The following FAAH2 variants were observed in gnomAD, a reference collection of about 807,000 sequenced individuals.
FAAH2 encodes fatty-acid amide hydrolase 2.
FAAH2 carries 60 observed loss-of-function variants against 36.9 expected under a neutral mutation model. That is an observed-to-expected ratio of 1.63 (90% CI 1.32 to 2.02). The LOEUF (loss-of-function observed/expected upper bound fraction) is 2.02. Among genes scored for constraint, FAAH2 ranks in the 30% most tolerant of loss-of-function variants. The probability of loss-of-function intolerance (pLI) is 0.00; values close to 1 mark genes in which losing one functional copy is unlikely to be tolerated. For missense variants in FAAH2, 689 were observed against 397.5 expected, an observed-to-expected ratio of 1.73 and a Z score of -6.23; for synonymous variants, 214 against 143.8, an observed-to-expected ratio of 1.49 and a Z score of -3.49.
chrX:57,284,464 T>A (rs2051782920), upstream of FAAH2, among the ~76,000 whole-genome samples: 1 of 111,664 alleles, frequency 9.0e-6, no homozygotes, highest in Admixed American at 9.5e-5. Flanking sequence ...AGCAGGAAAT[T>A]TAACATTTAT....
At chrX:57,467,758 C>G (rs990961947) in intron 10 of FAAH2, among the ~76,000 whole-genome samples, 2 of 111,664 alleles carry the variant, frequency 1.8e-5, no homozygotes, top group African/African-American at 6.5e-5. Context: ...AGTAGTGGTT[C>G]TCCCAGCACA....
At chrX:57,194,627 T>A in the FAAH2 span, among the ~76,000 whole-genome samples, 1 of 110,959 alleles carries the variant, frequency 9.0e-6, no homozygotes, top group East Asian at 2.8e-4. Context: ...GAGCAGGTGA[T>A]GTTTGATTAC....
intron 7 of FAAH2, among the ~76,000 whole-genome samples, chrX:57,398,193 A>G (rs759051156): frequency 3.2e-4 from 36 of 112,363 alleles, no homozygotes; most frequent in Non-Finnish European, 6.2e-4. Flanking sequence ...ATAAAGACAC[A>G]TGCACACGTA....
chrX:57,143,061 C>A, the FAAH2 span, among the ~76,000 whole-genome samples: 1 of 111,289 alleles, frequency 9.0e-6, no homozygotes, highest in Non-Finnish European at 1.9e-5. Context: ...TTGATTCATT[C>A]AGCCACTCTA....
the FAAH2 span, among the ~76,000 whole-genome samples, chrX:57,226,694 G>A: frequency 8.9e-6 from 1 of 111,943 alleles, no homozygotes; most frequent in East Asian, 2.8e-4. Context: ...GCATGTCTAG[G>A]TCTCTAGCAA....
chrX:57,338,909 C>A (rs1249357664), intron 4 of FAAH2, among the ~76,000 whole-genome samples: 6 of 110,952 alleles, frequency 5.4e-5, no homozygotes, highest in Admixed American at 9.6e-5. Context: ...GAAAAAAAAA[C>A]CTATTTTAAA....
Position 57,292,557 on chromosome X carries a change from G to A in FAAH2, c.252G>A (p.Met84Ile). Residue 84 changes from methionine (M) to isoleucine (I), a missense_variant, in exon 2 of 11, where the codon ATG becomes ATA. Transcript: ENST00000374900. ...ACAGAATCAAGGACGTGAACCCAAT[G>A]ATCAATGGAATTGTCAAGTACAGGT... ...YINRIKDVNP[M>I]INGIVKYRFE... The A allele has an allele frequency of 1.7e-6, 2 of 1,209,379 alleles. No homozygotes were observed. Among genetic ancestry groups the A allele is most frequent in the Non-Finnish European group, 2.2e-6 (2 of 894,080 alleles).
At chrX:57,211,883 A>G in the FAAH2 span, among the ~76,000 whole-genome samples, 1 of 111,996 alleles carries the variant, frequency 8.9e-6, no homozygotes, top group Non-Finnish European at 1.9e-5. Flanking sequence ...GACCCTATTC[A>G]ACATTAATTA....
At position 57,322,390 on chromosome X, in the gene FAAH2, T is replaced by A. The variant is rs928426693; in HGVS notation, c.413-9208T>A. Among the ~76,000 whole-genome samples the A allele has an allele frequency of 2.7e-5, 3 of 111,967 alleles. No individual in the cohort carries two copies. The Admixed American group carries it at 2.9e-4, about 11-fold the overall frequency. ...TCTCTTGTTAGTTTGCTGGACTTCC[T>A]TTTATAAGTGACCTACCCTTTCTCT... On this transcript the variant is annotated intron_variant, in intron 3 of 10. Coordinates refer to ENST00000374900, the MANE Select transcript of FAAH2 (RefSeq NM_174912.4).
chrX:57,162,956 G>C, the FAAH2 span, among the ~76,000 whole-genome samples: 13 of 112,387 alleles, frequency 1.2e-4, no homozygotes, highest in East Asian at 3.7e-3. Flanking sequence ...AGAGTTTCCA[G>C]TTTTTCTGTT....
intron 4 of FAAH2, among the ~76,000 whole-genome samples, chrX:57,334,126 C>T (rs1322288821): frequency 3.5e-4 from 39 of 109,986 alleles, no homozygotes; most frequent in Non-Finnish European, 1.9e-5. Context: ...AAAAATTAGC[C>T]AGGCCTGGCA....
At chrX:57,413,353 T>C (rs1160920379) in intron 7 of FAAH2, among the ~76,000 whole-genome samples, 3 of 112,487 alleles carry the variant, frequency 2.7e-5, no homozygotes, top group African/African-American at 9.7e-5. Context: ...TTTATGGTTT[T>C]AGGTCTTACA....
intron 5 of FAAH2, among the ~76,000 whole-genome samples, chrX:57,355,685 C>T (rs1056021982): frequency 2.7e-5 from 3 of 110,740 alleles, no homozygotes; most frequent in Non-Finnish European, 5.7e-5. Flanking sequence ...AGCAGTTTCT[C>T]TTTATGGACT....
At chrX:57,190,458 A>AC in the FAAH2 span, among the ~76,000 whole-genome samples, 1 of 108,958 alleles carries the variant, frequency 9.2e-6, no homozygotes, top group Non-Finnish European at 1.9e-5. Flanking sequence ...AAAAAAAAAA[A>AC]AAAAACTTCT....
intron 5 of FAAH2, among the ~76,000 whole-genome samples, chrX:57,375,145 C>T (rs1021987181): frequency 9.1e-6 from 1 of 109,645 alleles, no homozygotes; most frequent in South Asian, 3.9e-4. Context: ...TGGATTTTTG[C>T]ATCCATGTCC....
At chrX:57,222,875 C>A in the FAAH2 span, among the ~76,000 whole-genome samples, 1 of 111,273 alleles carries the variant, frequency 9.0e-6, no homozygotes, top group African/African-American at 3.3e-5. Flanking sequence ...CAGCTCCTTC[C>A]TACATCAAGG....
At chrX:57,404,997 G>A (rs1427864188) in intron 7 of FAAH2, among the ~76,000 whole-genome samples, 2 of 111,875 alleles carry the variant, frequency 1.8e-5, no homozygotes, top group Non-Finnish European at 3.8e-5. Context: ...TCCCAACACA[G>A]AAGGGTTGGG....
chrX:57,324,101 C>G (rs1372209169), intron 3 of FAAH2, among the ~76,000 whole-genome samples: 2 of 111,793 alleles, frequency 1.8e-5, no homozygotes, highest in Non-Finnish European at 3.8e-5. Flanking sequence ...ATAGGGAATC[C>G]TTTCCCCATT....
At chrX:57,244,934 C>G in the FAAH2 span, among the ~76,000 whole-genome samples, 7 of 111,308 alleles carry the variant, frequency 6.3e-5, no homozygotes, top group Non-Finnish European at 1.1e-4. Flanking sequence ...CACACACTGG[C>G]AAATTGGATA....
Sources: gnomAD v4.1 joint callset for allele counts (sites outside exome capture counted in the v4.1 genomes callset) on GRCh38, gnomAD v4.1.1 for gene constraint, MANE v1.5 for transcripts, NCBI Gene and HGNC (gene_info 2026-07-23, HGNC 2026-07-21) for gene names.